LRRC9: variants seen among roughly 807,000 people sequenced by gnomAD.
The protein encoded by LRRC9 is leucine rich repeat containing 9, also known as leucine-rich repeat-containing protein 9.
Under a neutral mutation model 63.2 loss-of-function variants are expected in LRRC9, and 122 were observed. The ratio of observed to expected loss-of-function variants is 1.93; its 90% confidence interval spans 1.67 to 2.24. The LOEUF is 2.24. LRRC9 is among the 30% of genes most tolerant of loss of function. LRRC9 has a pLI of 0.00. For synonymous variants in LRRC9, 366 were observed against 213.1 expected (o/e 1.72, Z -6.25); for missense variants, 1,071 against 627.7 (o/e 1.71, Z -7.55).
At chr14:60,010,362 T>A (rs1373964488) in intron 23 of LRRC9, among the ~76,000 whole-genome samples, 2 of 152,220 alleles carry the variant, frequency 1.3e-5, no homozygotes, top group Non-Finnish European at 2.9e-5. Flanking sequence ...CAGCTTGAGC[T>A]ATACATTGGC....
At position 60,058,672 on chromosome 14, in the gene LRRC9, C is replaced by A. The variant is rs1894454064; in HGVS notation, c.4276+650C>A. 6.6e-6 allele frequency among the ~76,000 whole-genome samples: 1 copy of A among 152,092 alleles called. No individual in the cohort carries two copies. Among genetic ancestry groups the A allele is most frequent in the Admixed American group, 6.5e-5 (1 of 15,278 alleles). On this transcript the variant is annotated intron_variant, in intron 31 of 31. Coordinates refer to ENST00000445360, the Ensembl canonical transcript of LRRC9. The surrounding 1 kb of genome is among the most constrained non-coding windows in gnomAD (Gnocchi z 4.4). ...ATTTTGGCAAAACTGGGGGTAAGTA[C>A]TCCTTCTCTGAGGGCTCACCTCTTC...
intron 26 of LRRC9, among the ~76,000 whole-genome samples, chr14:60,020,406 T>TA (rs1891028339): frequency 1.3e-5 from 2 of 152,122 alleles, no homozygotes; most frequent in African/African-American, 4.8e-5. Flanking sequence ...CGATTAAAGC[T>TA]ACTATGAACA....
intron 31 of LRRC9, among the ~76,000 whole-genome samples, chr14:60,059,652 A>C (rs1894526263): frequency 6.6e-6 from 1 of 152,216 alleles, no homozygotes; most frequent in African/African-American, 2.4e-5. Flanking sequence ...CCTTAAGCCA[A>C]AGCCTAATCC....
At chr14:60,039,743 T>A (rs1383856952) in intron 29 of LRRC9, among the ~76,000 whole-genome samples, 1 of 152,064 alleles carries the variant, frequency 6.6e-6, no homozygotes, top group Non-Finnish European at 1.5e-5. Context: ...TTTTGAAGGG[T>A]TTTTTGTGTC....
chr14:59,946,557 C>T (rs1188644469), intron 8 of LRRC9, among the ~76,000 whole-genome samples: 2 of 144,704 alleles, frequency 1.4e-5, no homozygotes, highest in Admixed American at 7.0e-5. Flanking sequence ...GCACATTGTG[C>T]AGGTTAGTTA....
At chr14:59,921,929 C>A (rs1272228253) in intron 1 of LRRC9, among the ~76,000 whole-genome samples, 1 of 151,484 alleles carries the variant, frequency 6.6e-6, no homozygotes, top group African/African-American at 2.4e-5. Context: ...ACTAAAAATA[C>A]AAAAATTAGC....
chr14:59,961,244 T>C (rs1228362577), intron 10 of LRRC9, among the ~76,000 whole-genome samples, 199 bp downstream of exon 10: 1 of 152,212 alleles, frequency 6.6e-6, no homozygotes, highest in Non-Finnish European at 1.5e-5. Context: ...TTTCTGTTTA[T>C]GCCATTACCG....
chr14:59,993,028 A>C (rs1293328094), intron 17 of LRRC9, among the ~76,000 whole-genome samples: 2 of 152,316 alleles, frequency 1.3e-5, no homozygotes, highest in East Asian at 3.9e-4. Context: ...AGTTGAAATG[A>C]AGGAAAAAAT....
rs1889786797 is a variant in LRRC9, at chr14:59,932,506, A to T, written c.543+467A>T. ...GAACTGTACACATATCTTAATGCAA[A>T]CTAATTTTTCCTCTACCAGGCCTTC... On this transcript the variant is annotated intron_variant, in intron 6 of 31. Transcript: ENST00000445360. This position sits in a 1 kb window ranked among gnomAD's most constrained non-coding sequence, Gnocchi z 4.7. 6.6e-6 allele frequency among the ~76,000 whole-genome samples: 1 copy of T among 152,104 alleles called. No homozygotes were observed. The highest frequency in any genetic ancestry group is 2.4e-5 in the African/African-American group (1 of 41,440).
In LRRC9 at chr14:60,058,063, A is replaced by C. The variant is rs80214360; in HGVS notation, c.4276+41A>C. 7.8e-3 allele frequency: 4,029 copies of C among 513,962 alleles called. 205 individuals are homozygous for C. The East Asian group carries it at 0.092, about 12-fold the overall frequency. 31.8% of individuals were successfully genotyped at this position (513,962 alleles called of 1,614,324 possible). On this transcript the variant is annotated intron_variant, in intron 31 of 31. Transcript: ENST00000445360. The surrounding 1 kb of genome is among the most constrained non-coding windows in gnomAD (Gnocchi z 4.4). ...CAGATAGAATGTAAAAGAATCACTT[A>C]ATTTGAAATAAAAATATCACTTTAA...
At position 60,002,502 on chromosome 14, in the gene LRRC9, T is replaced by C. The variant is rs1889464459; in HGVS notation, c.2664+402T>C. ...TTTTAGAGTTCATATATAATTGAGA[T>C]TATACAGTTTTTAATTTACAATGTA... On this transcript the variant is annotated intron_variant, in intron 20 of 31. Transcript: ENST00000445360. Among the ~76,000 whole-genome samples the C allele has an allele frequency of 3.9e-5, 6 of 152,308 alleles. No individual in the cohort carries two copies. In the South Asian group the frequency reaches 1.0e-3, roughly 26 times the overall value.
chr14:59,972,730 C>T (rs1566830507), intron 12 of LRRC9, among the ~76,000 whole-genome samples: 2 of 152,076 alleles, frequency 1.3e-5, no homozygotes, highest in Non-Finnish European at 2.9e-5. Flanking sequence ...ATAACAACTA[C>T]AACTGGCATA....
chr14:60,020,666 A>T (rs1035753396), intron 26 of LRRC9, among the ~76,000 whole-genome samples: 3 of 151,876 alleles, frequency 2.0e-5, no homozygotes, highest in Non-Finnish European at 4.4e-5. Context: ...ACAACCTCTA[A>T]TCTGTTTTCT....
At chr14:59,969,030 G>A (rs549995666) in intron 12 of LRRC9, 4 of 152,260 alleles carry the variant, frequency 2.6e-5, no homozygotes, top group South Asian at 4.1e-4. Context: ...TATTTTGGAC[G>A]TATTAGATTA....
At chr14:59,945,005 A>T (rs1882206026) in intron 8 of LRRC9, among the ~76,000 whole-genome samples, 1 of 151,982 alleles carries the variant, frequency 6.6e-6, no homozygotes, top group Non-Finnish European at 1.5e-5. Context: ...GTATAGGCTT[A>T]TTAAATTATG....
At chr14:60,055,885 A>T (rs1269201043) in intron 30 of LRRC9, among the ~76,000 whole-genome samples, 2 of 148,986 alleles carry the variant, frequency 1.3e-5, no homozygotes, top group Non-Finnish European at 3.0e-5. Context: ...AGCCTGGGTG[A>T]CAAAGCAAGA....
chr14:60,001,188 TTGTGTG>T (rs146007143), intron 19 of LRRC9, among the ~76,000 whole-genome samples: 1 of 149,100 alleles, frequency 6.7e-6, no homozygotes, highest in African/African-American at 2.5e-5. Context: ...TGATGTATAT[TTGTGTG>T]TGTGTGTGTG....
chr14:60,010,178 T>C (rs1890148769), intron 23 of LRRC9, among the ~76,000 whole-genome samples: 1 of 152,206 alleles, frequency 6.6e-6, no homozygotes, highest in South Asian at 2.1e-4. Context: ...CATTTCTTTT[T>C]GGCACTGCCC....
chr14:59,985,927 G>A (rs187213790), intron 17 of LRRC9, among the ~76,000 whole-genome samples: 5 of 152,190 alleles, frequency 3.3e-5, no homozygotes, highest in Non-Finnish European at 7.4e-5. Flanking sequence ...GTACTTTGGT[G>A]TAATTTCCAT....
Sources: gnomAD v4.1 joint callset for allele counts (sites outside exome capture counted in the v4.1 genomes callset) on GRCh38, gnomAD v4.1.1 for gene constraint, Gnocchi (gnomAD v3.1) non-coding constraint, MANE v1.5 for transcripts, NCBI Gene and HGNC (gene_info 2026-07-23, HGNC 2026-07-21) for gene names.